LSAMP: variants seen among roughly 807,000 people sequenced by gnomAD.
The protein encoded by LSAMP is limbic system associated membrane protein.
LSAMP carries 7 observed loss-of-function variants against 38.6 expected under a neutral mutation model. The ratio of observed to expected loss-of-function variants is 0.18; its 90% CI spans 0.10 to 0.34. The LOEUF is 0.34. LSAMP is among the 10% of genes least tolerant of loss of function. The pLI is 1.00. For missense variants in LSAMP, 313 were observed against 420.0 expected, an observed-to-expected ratio of 0.75 and a Z score of 2.23; for synonymous variants, 154 against 166.8, an observed-to-expected ratio of 0.92 and a Z score of 0.59.
chr3:115,846,978 T>C (rs1033065087), intron 4 of LSAMP, among the ~76,000 whole-genome samples: 1 of 152,190 alleles, frequency 6.6e-6, no homozygotes, highest in Non-Finnish European at 1.5e-5. Context: ...CCTAGGAATA[T>C]AGACAATGAT....
At chr3:115,912,752 T>G (rs1384590042) in intron 3 of LSAMP, among the ~76,000 whole-genome samples, 1 of 152,172 alleles carries the variant, frequency 6.6e-6, no homozygotes. Context: ...CTGCCTCTTT[T>G]TTGGTCTTTT....
chr3:115,886,443 T>C (rs535744772), intron 3 of LSAMP, among the ~76,000 whole-genome samples: 1 of 152,082 alleles, frequency 6.6e-6, no homozygotes, highest in African/African-American at 2.4e-5. Flanking sequence ...ATATGCACTA[T>C]TTAAAATCAG....
At chr3:115,946,516 G>A (rs115728880) in intron 3 of LSAMP, among the ~76,000 whole-genome samples, 2,162 of 152,180 alleles carry the variant, frequency 0.014, 13 homozygotes, top group Non-Finnish European at 0.017. Context: ...GAGATTTTGC[G>A]CCAGTAAATT....
At chr3:116,209,589 G>A (rs1576434455) in intron 1 of LSAMP, among the ~76,000 whole-genome samples, 1 of 152,150 alleles carries the variant, frequency 6.6e-6, no homozygotes, top group Non-Finnish European at 1.5e-5. Context: ...GTGTATGTTT[G>A]TATGTGTGAA....
At chr3:116,256,192 C>G (rs1040816846) in intron 1 of LSAMP, among the ~76,000 whole-genome samples, 3 of 152,084 alleles carry the variant, frequency 2.0e-5, no homozygotes, top group Non-Finnish European at 2.9e-5. Flanking sequence ...GGTTCAAAGC[C>G]AGGTTTTGGA....
chr3:115,945,174 C>T (rs1008577870), intron 3 of LSAMP, among the ~76,000 whole-genome samples: 1 of 152,118 alleles, frequency 6.6e-6, no homozygotes, highest in Non-Finnish European at 1.5e-5. Context: ...CACATACCTT[C>T]CCTTATTTGC....
At chr3:116,415,588 T>C (rs2049039258) in intron 1 of LSAMP, among the ~76,000 whole-genome samples, 1 of 152,148 alleles carries the variant, frequency 6.6e-6, no homozygotes, top group South Asian at 2.1e-4. Context: ...ATCTTGGTTT[T>C]CTCGTTTCAT....
At chr3:116,238,235 C>T (rs905158380) in intron 1 of LSAMP, among the ~76,000 whole-genome samples, 18 of 152,248 alleles carry the variant, frequency 1.2e-4, no homozygotes, top group South Asian at 4.1e-4. Flanking sequence ...TTGTCTCCTA[C>T]GAAGTTATTG....
intron 1 of LSAMP, 66 bp downstream of exon 1, chr3:116,444,811 A>AACAC (rs59857062): frequency 5.9e-5 from 42 of 713,816 alleles, no homozygotes; most frequent in African/African-American, 5.3e-4. Flanking sequence ...CACACACACA[A>AACAC]ACACACACAC....
chr3:115,853,983 A>G (rs1244031279), intron 3 of LSAMP, among the ~76,000 whole-genome samples: 2 of 152,286 alleles, frequency 1.3e-5, no homozygotes, highest in Non-Finnish European at 1.5e-5. Flanking sequence ...TACTCTAAAT[A>G]TGTCAGCTAA....
chr3:115,957,056 T>C (rs955450558), intron 3 of LSAMP, among the ~76,000 whole-genome samples: 22 of 152,350 alleles, frequency 1.4e-4, no homozygotes, highest in African/African-American at 5.3e-4. Flanking sequence ...ACATTTTTAA[T>C]GAAAGTACTC....
chr3:115,988,983 T>C (rs1478447005), intron 3 of LSAMP, among the ~76,000 whole-genome samples: 3 of 152,060 alleles, frequency 2.0e-5, no homozygotes, highest in African/African-American at 7.2e-5. Context: ...AATAAAACCA[T>C]AGCGTTTTTC....
intron 2 of LSAMP, among the ~76,000 whole-genome samples, chr3:116,043,870 G>A (rs748408274): frequency 1.8e-4 from 27 of 152,180 alleles, no homozygotes; most frequent in Non-Finnish European, 3.2e-4. Flanking sequence ...GGCGTGAACC[G>A]GTCAGGCGGA....
At chr3:115,866,247 C>A (rs190760723) in intron 3 of LSAMP, among the ~76,000 whole-genome samples, 1 of 152,228 alleles carries the variant, frequency 6.6e-6, no homozygotes, top group Non-Finnish European at 1.5e-5. Flanking sequence ...CAGTTCTAGA[C>A]ACTAGATTCA....
intron 2 of LSAMP, among the ~76,000 whole-genome samples, chr3:116,082,309 G>T (rs192319374): frequency 8.5e-5 from 13 of 152,230 alleles, no homozygotes; most frequent in Admixed American, 5.9e-4. Flanking sequence ...ACAAGAAAAC[G>T]AACAAGCAGG....
At chr3:115,826,869 GA>G (rs900565502) in intron 6 of LSAMP, among the ~76,000 whole-genome samples, 1 of 148,462 alleles carries the variant, frequency 6.7e-6, no homozygotes, top group Non-Finnish European at 1.5e-5. Context: ...TCTAAATACA[GA>G]AAAAAAATCA....
At chr3:115,996,099 T>A (rs1939807961) in intron 3 of LSAMP, among the ~76,000 whole-genome samples, 3 of 152,098 alleles carry the variant, frequency 2.0e-5, no homozygotes, top group African/African-American at 7.2e-5. Flanking sequence ...ATATGTGAAC[T>A]GGATTATAAT....
chr3:116,258,266 C>CT (rs148234383), intron 1 of LSAMP, among the ~76,000 whole-genome samples: 8,741 of 151,862 alleles, frequency 0.058, 317 homozygotes, highest in Middle Eastern at 0.11. Context: ...ATATTATAAT[C>CT]TTTTTTTTAC....
chr3:116,266,549 T>A (rs2046894354), intron 1 of LSAMP, among the ~76,000 whole-genome samples: 1 of 152,092 alleles, frequency 6.6e-6, no homozygotes. Flanking sequence ...GGAACTTTTA[T>A]TATTATTTCT....
Sources: gnomAD v4.1 joint callset for allele counts (sites outside exome capture counted in the v4.1 genomes callset) on GRCh38, gnomAD v4.1.1 for gene constraint, MANE v1.5 for transcripts, NCBI Gene and HGNC (gene_info 2026-07-23, HGNC 2026-07-21) for gene names.